The following FILIP1 variants were observed in gnomAD, a reference collection of about 807,000 sequenced individuals.
FILIP1 encodes filamin A interacting protein 1, also known as filamin-A-interacting protein 1.
A neutral mutation model predicts 102.1 loss-of-function variants in FILIP1; 61 were observed. That is an observed-to-expected ratio of 0.60 (90% CI 0.49 to 0.74). The LOEUF is 0.74. FILIP1 is among the 30% of genes least tolerant of loss of function. FILIP1 has a pLI of 0.00. For synonymous variants in FILIP1, 491 were observed against 526.9 expected (o/e 0.93, Z 0.93); for missense variants, 1,314 against 1,441.2 (o/e 0.91, Z 1.43).
chr6:75,447,714 T>C (rs1303815452), intron 1 of FILIP1, among the ~76,000 whole-genome samples: 1 of 152,180 alleles, frequency 6.6e-6, no homozygotes, highest in East Asian at 1.9e-4. Context: ...GAAAGATCTT[T>C]ATTTTTTTAA....
chr6:75,471,561 C>T (rs955095990), intron 1 of FILIP1, among the ~76,000 whole-genome samples: 1 of 152,144 alleles, frequency 6.6e-6, no homozygotes, highest in Admixed American at 6.5e-5. Flanking sequence ...CAAAATTCTA[C>T]TGTTAGTATC....
intron 1 of FILIP1, among the ~76,000 whole-genome samples, chr6:75,462,649 C>G (rs925317361): frequency 3.3e-5 from 5 of 151,980 alleles, no homozygotes; most frequent in Admixed American, 3.3e-4. Context: ...TAGCTGTGTA[C>G]AGCAGCTGCT....
chr6:75,363,411 C>T (rs183370524), intron 2 of FILIP1, among the ~76,000 whole-genome samples: 67 of 152,308 alleles, frequency 4.4e-4, no homozygotes, highest in African/African-American at 1.6e-3. Context: ...TCCTGTTTCT[C>T]ATTAGGTGAT....
intron 1 of FILIP1, among the ~76,000 whole-genome samples, chr6:75,417,591 A>G (rs1244673926): frequency 1.3e-5 from 2 of 152,128 alleles, no homozygotes; most frequent in African/African-American, 4.8e-5. Context: ...AATAGCTCTC[A>G]CTTACTGCTT....
At chr6:75,441,395 C>G (rs1332286350) in intron 1 of FILIP1, among the ~76,000 whole-genome samples, 13 of 152,240 alleles carry the variant, frequency 8.5e-5, no homozygotes, top group East Asian at 7.7e-4. Context: ...TACACAGACA[C>G]GGCAACCATC....
chr6:75,431,437 C>A (rs1484804396), intron 1 of FILIP1, among the ~76,000 whole-genome samples: 1 of 152,088 alleles, frequency 6.6e-6, no homozygotes, highest in Admixed American at 6.6e-5. Context: ...CAAATTTGAA[C>A]CAGGGAGGGT....
chr6:75,492,584 T>C (rs1048256110), intron 1 of FILIP1, among the ~76,000 whole-genome samples: 1 of 152,104 alleles, frequency 6.6e-6, no homozygotes, highest in Non-Finnish European at 1.5e-5. Context: ...TCTGATAAAA[T>C]TGCATGGCAA....
intron 6 of FILIP1, chr6:75,295,994 CTG>C (rs1448509827): frequency 7.6e-7 from 1 of 1,312,086 alleles, no homozygotes; most frequent in Non-Finnish European, 1.0e-6. Context: ...TAAACTGAAA[CTG>C]AGAATCAAGC....
At chr6:75,363,562 G>C (rs1775236394) in intron 2 of FILIP1, among the ~76,000 whole-genome samples, 2 of 152,146 alleles carry the variant, frequency 1.3e-5, no homozygotes, top group Admixed American at 1.3e-4. Flanking sequence ...GAGTCAGCTT[G>C]GTAGGTCAGA....
intron 2 of FILIP1, among the ~76,000 whole-genome samples, chr6:75,369,157 AC>A (rs1444182548): frequency 2.0e-5 from 3 of 152,164 alleles, no homozygotes; most frequent in African/African-American, 7.2e-5. Flanking sequence ...TTAGTCCCTG[AC>A]CTTTCTGCAC....
exon 7 of FILIP1, chr6:75,295,434 A>C (rs1450339084): frequency 6.6e-6 from 1 of 152,224 alleles, no homozygotes; most frequent in Admixed American, 6.5e-5. Context: ...AATTTACCTC[A>C]GGAAATATAG....
intron 4 of FILIP1, among the ~76,000 whole-genome samples, chr6:75,325,295 A>T (rs568689149): frequency 1.3e-5 from 2 of 152,196 alleles, no homozygotes; most frequent in East Asian, 3.9e-4. Context: ...GGTGGCACAC[A>T]CCTGTAGCCC....
At chr6:75,458,532 C>T (rs1046914575) in intron 1 of FILIP1, among the ~76,000 whole-genome samples, 3 of 152,124 alleles carry the variant, frequency 2.0e-5, no homozygotes, top group Non-Finnish European at 4.4e-5. Flanking sequence ...ATGTTGCCTA[C>T]TAAAGCAGAT....
intron 1 of FILIP1, among the ~76,000 whole-genome samples, chr6:75,436,683 C>G (rs556272813): frequency 1.3e-5 from 2 of 152,274 alleles, no homozygotes; most frequent in African/African-American, 4.8e-5. Context: ...TCATCTCTTT[C>G]TAACTCATTT....
intron 4 of FILIP1, among the ~76,000 whole-genome samples, chr6:75,331,023 C>G (rs1415592825): frequency 6.6e-6 from 1 of 152,080 alleles, no homozygotes; most frequent in African/African-American, 2.4e-5. Flanking sequence ...ACAAATTATA[C>G]GTCTTGGAGA....
rs1039219570 is a variant in FILIP1 at position 75,434,152 on chromosome 6, G to C, written c.-6-19174C>G. 3.3e-5 allele frequency among the ~76,000 whole-genome samples: 5 copies of C among 152,158 alleles called. No homozygotes were observed. The East Asian group carries it at 5.8e-4, about 18-fold the overall frequency. The stretch of plus-strand genomic sequence containing the variant: ...CCTCCAGCTTTGTTCTCTTTGCTTA[G>C]GATTGTCTTGGCAATGTGGGCTCTT... On this transcript the variant is annotated intron_variant, in intron 1 of 5. Transcript: ENST00000237172.
intron 1 of FILIP1, among the ~76,000 whole-genome samples, chr6:75,420,990 T>C (rs907980429): frequency 6.6e-6 from 1 of 152,174 alleles, no homozygotes; most frequent in African/African-American, 2.4e-5. Flanking sequence ...AGATAAAATA[T>C]AATTAGAAAG....
At chr6:75,460,332 C>T (rs1778982464) in intron 1 of FILIP1, among the ~76,000 whole-genome samples, 1 of 152,170 alleles carries the variant, frequency 6.6e-6, no homozygotes, top group South Asian at 2.1e-4. Context: ...AAGAGAAAGT[C>T]CTTTCTGCCA....
chr6:75,350,806 A>G (rs752923044), intron 4 of FILIP1, among the ~76,000 whole-genome samples: 29 of 152,230 alleles, frequency 1.9e-4, no homozygotes, highest in Non-Finnish European at 3.8e-4. Flanking sequence ...AAAGACAGAT[A>G]TCTGGTTCTA....
Sources: gnomAD v4.1 joint callset for allele counts (sites outside exome capture counted in the v4.1 genomes callset) on GRCh38, gnomAD v4.1.1 for gene constraint, MANE v1.5 for transcripts, NCBI Gene and HGNC (gene_info 2026-07-23, HGNC 2026-07-21) for gene names.